TEX14: variants seen among roughly 807,000 people sequenced by gnomAD.
TEX14 encodes inactive serine/threonine-protein kinase TEX14.
In TEX14, 168 loss-of-function variants were observed where a neutral mutation model predicts 178.6. The observed-to-expected ratio is 0.94, with a 90% CI of 0.83 to 1.07. The LOEUF is 1.07. TEX14 is among the 50% of genes least tolerant of loss of function. TEX14 has a pLI of 0.00. For synonymous variants in TEX14, 626 were observed against 634.1 expected (o/e 0.99, Z 0.19); for missense variants, 1,730 against 1,753.6 (o/e 0.99, Z 0.24).
chr17:58,658,986 G>A (rs2047028199), intron 1 of TEX14, among the ~76,000 whole-genome samples: 2 of 151,304 alleles, frequency 1.3e-5, no homozygotes, highest in South Asian at 4.2e-4. Flanking sequence ...TCCTAGAAAC[G>A]GTATAAAATA....
intron 20 of TEX14, among the ~76,000 whole-genome samples, chr17:58,578,360 T>C (rs1428736010): frequency 7.1e-6 from 1 of 141,378 alleles, no homozygotes; most frequent in Admixed American, 7.7e-5. Flanking sequence ...TCCTTTACTT[T>C]ATACCAGGGG....
chr17:58,570,448 TG>T lies in TEX14; in HGVS notation c.3753del (p.Ser1252AlafsTer22). 2 of 1,524,492 alleles carry T rather than the reference TG, an allele frequency of 1.3e-6. No individual in the cohort carries two copies. Among genetic ancestry groups the T allele is most frequent in the Non-Finnish European group, 8.7e-7 (1 of 1,148,678 alleles). 94.4% of individuals were successfully genotyped at this position (1,524,492 alleles called of 1,614,324 possible). A position where few individuals can be genotyped will look rare whatever the true frequency, so the allele number is the denominator to read the frequency against. On this transcript the variant is annotated frameshift_variant, in exon 25 of 32. Coordinates refer to ENST00000349033, the MANE Select transcript of TEX14 (RefSeq NM_031272.5). LOFTEE classifies it high-confidence loss of function. ...GATGAGTCACATGCCTTAACAAGGC[TG>T]GGGGATCCAGCCCCAATAAATGAAG... ...RLSSFIGAGSPSLVKACDSSP... is the reference protein window; with the variant it reads ...RLSSFIGAGSXSLVKACDSSP...
intron 10 of TEX14, 70 bp from the exon 11 acceptor site, chr17:58,605,199 A>T (rs546097896): frequency 2.4e-5 from 36 of 1,486,164 alleles, no homozygotes; most frequent in Middle Eastern, 2.3e-4. Context: ...TCATTCATTC[A>T]TTCTTTCATT....
intron 2 of TEX14, among the ~76,000 whole-genome samples, chr17:58,633,772 G>C (rs759134403): frequency 6.6e-6 from 1 of 151,958 alleles, no homozygotes; most frequent in Non-Finnish European, 1.5e-5. Flanking sequence ...CTCGAGACCT[G>C]CCTGGCCAAC....
chr17:58,556,897 CT>C lies in TEX14; in HGVS notation c.*113del. 1.2e-6 allele frequency: 1 copy of C among 853,530 alleles called. No homozygotes were observed. The highest frequency in any genetic ancestry group is 2.0e-6 in the Non-Finnish European group (1 of 498,808). 52.9% of individuals were successfully genotyped at this position (853,530 alleles called of 1,614,324 possible). On this transcript the variant is annotated 3_prime_UTR_variant, in exon 32 of 32. Coordinates refer to ENST00000349033, the MANE Select transcript of TEX14 (RefSeq NM_031272.5). ...ATTGTGGCAGCTGAACAAAGTGAGACTTACAGAACTGGAACTGCTGCCCTGA... is the reference window on the plus strand; with the variant it reads ...ATTGTGGCAGCTGAACAAAGTGAGACTACAGAACTGGAACTGCTGCCCTGA...
rs1217520738 is a variant in TEX14, at chr17:58,573,243, G to C, written c.3449C>G (p.Ala1150Gly). ...SYEPDSSFKE[A>G]SCKTPKINHA... ...GTTTATTTTGGGTGTTTTGCATGAAGCTTCCTTAAAAGAGCTGTCTGGTTC... is the reference window on the plus strand; with the variant it reads ...GTTTATTTTGGGTGTTTTGCATGAACCTTCCTTAAAAGAGCTGTCTGGTTC... The change falls in exon 23 of 32, where the codon GCT becomes GGT. Residue 1150 changes from alanine (A) to glycine (G), a missense_variant. By Grantham distance (60) the Ala-to-Gly change is moderately conservative. Transcript: ENST00000349033. The C allele has an allele frequency of 2.5e-6, 4 of 1,614,104 alleles. No homozygotes were observed. In the Admixed American group the frequency reaches 5.0e-5, roughly 20 times the overall value.
At chr17:58,637,100 G>A (rs9900405) in intron 2 of TEX14, among the ~76,000 whole-genome samples, 22,186 of 150,252 alleles carry the variant, frequency 0.15, 2,515 homozygotes, top group East Asian at 0.31. Context: ...GATGGTGGGC[G>A]CCTGTAATCC....
chr17:58,636,475 T>G (rs1255170655), intron 2 of TEX14, among the ~76,000 whole-genome samples: 1 of 152,246 alleles, frequency 6.6e-6, no homozygotes, highest in Non-Finnish European at 1.5e-5. Context: ...GCACTATTCT[T>G]TTAATTCACT....
chr17:58,567,217 A>T (rs943061918), intron 26 of TEX14, among the ~76,000 whole-genome samples: 3 of 152,154 alleles, frequency 2.0e-5, no homozygotes, highest in African/African-American at 7.2e-5. Context: ...AGGAATACTC[A>T]CTAGACTAAG....
At chr17:58,688,579 A>G (rs1252839757) in intron 1 of TEX14, among the ~76,000 whole-genome samples, 1 of 152,162 alleles carries the variant, frequency 6.6e-6, no homozygotes, top group Admixed American at 6.6e-5. Context: ...TAAGTACTGT[A>G]TATGTGTTAA....
chr17:58,613,496 G>A lies in TEX14; in HGVS notation c.930C>T (p.Ser310=), dbSNP rs2144521590. Residue 310 remains serine, a synonymous_variant, in exon 9 of 32, where the codon TCC becomes TCT. Transcript: ENST00000349033. ...YLLQLMAVCL[S]QDLEKTRLVY... The stretch of plus-strand genomic sequence containing the variant: ...CAAGGCGGGTTTTCTCTAGGTCCTG[G>A]GAGAGACACACAGCCATCAACTGTA... 2 of 1,614,114 alleles carry A rather than the reference G, an allele frequency of 1.2e-6. No individual in the cohort carries two copies. The highest frequency in any genetic ancestry group is 4.5e-5 in the East Asian group (2 of 44,874).
chr17:58,650,743 G>A (rs2046823282), intron 2 of TEX14, among the ~76,000 whole-genome samples: 1 of 152,208 alleles, frequency 6.6e-6, no homozygotes, highest in South Asian at 2.1e-4. Flanking sequence ...AAAGTGCTCG[G>A]TTTACAGATA....
intron 4 of TEX14, 104 bp downstream of exon 4, chr17:58,622,743 C>T (rs1002783153): frequency 3.3e-5 from 39 of 1,174,150 alleles, no homozygotes; most frequent in Non-Finnish European, 4.4e-5. Context: ...GACTCCAGTA[C>T]CAATACTAAG....
intron 15 of TEX14, among the ~76,000 whole-genome samples, chr17:58,589,002 G>A (rs147345900): frequency 3.5e-4 from 54 of 152,254 alleles, no homozygotes; most frequent in African/African-American, 1.0e-3. Context: ...GGCTGGGCAC[G>A]GTAGCTCACA....
chr17:58,611,423 C>T (rs1391443056), intron 9 of TEX14, 84 bp from the exon 10 acceptor site: 7 of 1,002,456 alleles, frequency 7.0e-6, no homozygotes, highest in African/African-American at 1.6e-5. Flanking sequence ...TCCAGTCTTT[C>T]CATATGATCC....
intron 1 of TEX14, among the ~76,000 whole-genome samples, chr17:58,669,900 T>C (rs959948438): frequency 9.2e-5 from 14 of 152,218 alleles, no homozygotes; most frequent in African/African-American, 1.7e-4. Context: ...TACTCCTTAC[T>C]GCCCTCTGGA....
At chr17:58,617,682 G>T (rs2045904692) in intron 5 of TEX14, 63 bp from the exon 6 acceptor site, 1 of 1,182,140 alleles carries the variant, frequency 8.5e-7, no homozygotes, top group Non-Finnish European at 1.2e-6. Flanking sequence ...GAATAATAAT[G>T]CTGAACCAAG....
chr17:58,659,224 G>T (rs991405948), intron 1 of TEX14: 6 of 218,532 alleles, frequency 2.7e-5, no homozygotes, highest in Admixed American at 2.1e-4. Flanking sequence ...GAAATCGCGG[G>T]AGCAAACACA....
At chr17:58,670,792 A>C (rs2143472849) in intron 1 of TEX14, among the ~76,000 whole-genome samples, 1 of 151,216 alleles carries the variant, frequency 6.6e-6, no homozygotes, top group African/African-American at 2.4e-5. Flanking sequence ...AAAAAAAAAA[A>C]AAAAAAAAGT....
Sources: gnomAD v4.1 joint callset for allele counts (sites outside exome capture counted in the v4.1 genomes callset) on GRCh38, gnomAD v4.1.1 for gene constraint, MANE v1.5 for transcripts, NCBI Gene and HGNC (gene_info 2026-07-23, HGNC 2026-07-21) for gene names.